TICRR: variants seen among roughly 807,000 people sequenced by gnomAD.
TICRR encodes TOPBP1 interacting checkpoint and replication regulator.
TICRR carries 132 observed loss-of-function variants against 178.1 expected under a neutral mutation model. The observed-to-expected ratio is 0.74, with a 90% CI of 0.64 to 0.86. The LOEUF (loss-of-function observed/expected upper bound fraction) is 0.86, where lower values mean the gene tolerates loss of function less well. Among genes scored for constraint, TICRR ranks in the 40% least tolerant of loss-of-function variants. The pLI is 0.00. For missense variants in TICRR, 2,587 were observed against 2,334.3 expected (o/e 1.11, Z -2.23); for synonymous variants, 991 against 900.7 (o/e 1.10, Z -1.79).
intron 4 of TICRR, 147 bp downstream of exon 4, chr15:89,586,089 C>A: frequency 3.3e-6 from 2 of 604,828 alleles, no homozygotes; most frequent in South Asian, 2.3e-5. Context: ...CAGTTTAAAT[C>A]ATTATTATTT....
chr15:89,625,634 G>A lies in TICRR; in HGVS notation c.5324G>A (p.Arg1775Lys). The change falls in exon 20 of 22, where the codon AGA (arginine) becomes AAA (lysine). Residue 1775 changes from arginine (R) to lysine (K), a missense_variant. Transcript: ENST00000268138. ...WGQFGLSSRKRVLLAKEEADR... is the reference protein window; with the variant it reads ...WGQFGLSSRKKVLLAKEEADR... ...CAGTTTGGGTTGAGTTCCAGGAAGA[G>A]AGTCCTGTTGGCCAAGGAAGAAGCT... 6.2e-7 allele frequency: 1 copy of A among 1,613,506 alleles called. No homozygotes were observed.
chr15:89,623,716 G>A lies in TICRR; in HGVS notation c.3406G>A (p.Glu1136Lys), dbSNP rs919160244. 4 of 1,614,076 alleles carry A rather than the reference G, an allele frequency of 2.5e-6. No individual in the cohort carries two copies. Among genetic ancestry groups the A allele is most frequent in the Non-Finnish European group, 2.5e-6 (3 of 1,180,020 alleles). ...ACCACAAACTCCGTTGTATACTCCA[G>A]AAAGGCTGCAGAAGTCCCCTGCAAA... ...HTPQTPLYTP[E>K]RLQKSPAKMT... is the part of the protein sequence containing the mutation. Residue 1136 changes from glutamate to lysine, a missense_variant, in exon 20 of 22, where the codon GAA (glutamate) becomes AAA (lysine). By Grantham distance (56) the Glu-to-Lys change is moderately conservative. Coordinates refer to ENST00000268138, the MANE Select transcript of TICRR (RefSeq NM_152259.4).
intron 15 of TICRR, among the ~76,000 whole-genome samples, chr15:89,616,167 G>A (rs1478856669): frequency 6.6e-6 from 1 of 152,176 alleles, no homozygotes; most frequent in Non-Finnish European, 1.5e-5. Context: ...TTACAGGCAT[G>A]AGCCATTGTG....
intron 2 of TICRR, 125 bp downstream of exon 2, chr15:89,583,090 A>G (rs1962759443): frequency 9.2e-7 from 1 of 1,092,112 alleles, no homozygotes; most frequent in East Asian, 2.6e-5. Flanking sequence ...CTTGTCATGA[A>G]AGAATTAAAA....
chr15:89,624,692 CA>C lies in TICRR; in HGVS notation c.4383del (p.Glu1462SerfsTer17). The C allele has an allele frequency of 6.2e-7, 1 of 1,614,140 alleles. No individual in the cohort carries two copies. Among genetic ancestry groups the C allele is most frequent in the South Asian group, 1.1e-5 (1 of 91,082 alleles). ...ASSPLLITSDTEHVTLLSEAE... is the reference protein window; with the variant it reads ...ASSPLLITSDXEHVTLLSEAE... Reference sequence around the variant, plus strand: ...TCTCCTCTGCTCATTACAAGTGACACAGAGCATGTCACTCTCCTCAGTGAAG... The same window carrying C: ...TCTCCTCTGCTCATTACAAGTGACACGAGCATGTCACTCTCCTCAGTGAAG... On this transcript the variant is annotated frameshift_variant, in exon 20 of 22. Coordinates refer to ENST00000268138, the MANE Select transcript of TICRR (RefSeq NM_152259.4). LOFTEE classifies it high-confidence loss of function.
intron 7 of TICRR, among the ~76,000 whole-genome samples, chr15:89,598,974 G>T (rs934527998): frequency 6.6e-6 from 1 of 152,136 alleles, no homozygotes; most frequent in Non-Finnish European, 1.5e-5. Context: ...TTGTGCCACT[G>T]CACTCCAGCC....
In TICRR at chr15:89,608,858, G is replaced by A; in HGVS notation, c.2778G>A (p.Lys926=). Residue 926 remains lysine, a synonymous_variant, in exon 15 of 22, where the codon AAG becomes AAA. Transcript: ENST00000268138. The part of the protein sequence containing the change: ...LFNQELLSPS[K]RSLKRGLPRS... Reference sequence around the variant, plus strand: ...ACCAGGAATTGCTTTCCCCTTCAAAGAGATCACTAAAGCGGGGGTTGCCTA... The same window carrying A: ...ACCAGGAATTGCTTTCCCCTTCAAAAAGATCACTAAAGCGGGGGTTGCCTA... 1 of 1,610,096 alleles carries A rather than the reference G, an allele frequency of 6.2e-7. No individual in the cohort carries two copies. The highest frequency in any genetic ancestry group is 8.5e-7 in the Non-Finnish European group (1 of 1,178,524).
At chr15:89,616,536 C>G (rs1649327202) in intron 16 of TICRR, 41 bp downstream of exon 16, 1 of 1,551,436 alleles carries the variant, frequency 6.4e-7, no homozygotes, top group Admixed American at 1.7e-5. Flanking sequence ...TACACCCACA[C>G]CACCTCAAAG....
At position 89,618,192 on chromosome 15, in the gene TICRR, TC is replaced by T. The variant is rs1963366196; in HGVS notation, c.3005del (p.Pro1002LeufsTer7). 5 of 1,613,964 alleles carry T rather than the reference TC, an allele frequency of 3.1e-6. No individual in the cohort carries two copies. Among genetic ancestry groups the T allele is most frequent in the African/African-American group, 1.3e-5 (1 of 74,874 alleles). On this transcript the variant is annotated frameshift_variant, in exon 17 of 22. Coordinates refer to ENST00000268138, the MANE Select transcript of TICRR (RefSeq NM_152259.4). LOFTEE classifies it high-confidence loss of function. The part of the protein sequence containing the change: ...PGPDIGVVEE[S>X]PEKGDEISLR... Reference sequence around the variant, plus strand: ...TCCTGATATTGGTGTTGTTGAAGAGTCCCCTGAAAAAGGAGATGGTGAGTGT... The same window carrying T: ...TCCTGATATTGGTGTTGTTGAAGAGTCCCTGAAAAAGGAGATGGTGAGTGT...
chr15:89,585,877 T>C lies in TICRR; in HGVS notation c.1346T>C (p.Phe449Ser). Reference sequence around the variant, plus strand: ...AGCCCCCGGGACACAGCTTCCCTTTTCTCAGATGTTGTGGATAGTATATTG... The same window carrying C: ...AGCCCCCGGGACACAGCTTCCCTTTCCTCAGATGTTGTGGATAGTATATTG... ...ADSPRDTASL[F>S]SDVVDSILNQ... The change falls in exon 4 of 22, where the codon TTC becomes TCC. Residue 449 changes from phenylalanine to serine, a missense_variant. Coordinates refer to ENST00000268138, the MANE Select transcript of TICRR (RefSeq NM_152259.4). 1.9e-6 allele frequency: 3 copies of C among 1,614,156 alleles called. No homozygotes were observed. Among genetic ancestry groups the C allele is most frequent in the South Asian group, 1.1e-5 (1 of 91,080 alleles).
chr15:89,583,391 A>G (rs1294809666), intron 2 of TICRR, among the ~76,000 whole-genome samples: 1 of 152,220 alleles, frequency 6.6e-6, no homozygotes, highest in Non-Finnish European at 1.5e-5. Flanking sequence ...AAAAGCAAAC[A>G]TGTTGGAATC....
intron 1 of TICRR, among the ~76,000 whole-genome samples, chr15:89,579,319 C>T (rs1044562583): frequency 3.9e-5 from 6 of 152,026 alleles, no homozygotes; most frequent in Non-Finnish European, 7.4e-5. Flanking sequence ...AAAATGTGAC[C>T]ATACTCTATA....
chr15:89,620,231 C>T (rs1963402439), intron 18 of TICRR, among the ~76,000 whole-genome samples: 1 of 152,120 alleles, frequency 6.6e-6, no homozygotes, highest in Non-Finnish European at 1.5e-5. Context: ...TTTTTTGAGA[C>T]AAGGTCTCAC....
At chr15:89,585,311 AGT>A (rs1962801383) in intron 3 of TICRR, among the ~76,000 whole-genome samples, 1 of 152,190 alleles carries the variant, frequency 6.6e-6, no homozygotes, top group African/African-American at 2.4e-5. Context: ...CTCATGGTTA[AGT>A]ACATGGGTTT....
At position 89,624,700 on chromosome 15, in the gene TICRR, G is replaced by A. The variant is rs1963484230; in HGVS notation, c.4390G>A (p.Val1464Ile). 2 of 1,614,152 alleles carry A rather than the reference G, an allele frequency of 1.2e-6. No homozygotes were observed. The highest frequency in any genetic ancestry group is 8.5e-7 in the Non-Finnish European group (1 of 1,180,038). Residue 1464 changes from valine (V) to isoleucine (I), a missense_variant, in exon 20 of 22, where the codon GTC (valine) becomes ATC (isoleucine). Coordinates refer to ENST00000268138, the MANE Select transcript of TICRR (RefSeq NM_152259.4). ...GCTCATTACAAGTGACACAGAGCAT[G>A]TCACTCTCCTCAGTGAAGCCGAACA... Reference protein sequence around the residue: ...PLLITSDTEHVTLLSEAEHHG... With the variant: ...PLLITSDTEHITLLSEAEHHG...
chr15:89,601,625 G>C, intron 11 of TICRR, 57 bp downstream of exon 11: 1 of 1,607,838 alleles, frequency 6.2e-7, no homozygotes, highest in Non-Finnish European at 8.5e-7. Flanking sequence ...ACCTATGTAT[G>C]GTGTTGTCTC....
chr15:89,602,880 A>T lies in TICRR; in HGVS notation c.2652A>T (p.Arg884Ser). ...TTGAAATTCCTAAAGTGTCAAAGAG[A>T]GCTACGAAAAAAGTAAGTAAACCTT... is the stretch of plus-strand genomic sequence containing the variant. ...RQIEIPKVSK[R>S]ATKKENSHPA... Residue 884 changes from arginine to serine, a missense_variant, in exon 13 of 22, where the codon AGA (arginine) becomes AGT (serine). Coordinates refer to ENST00000268138, the MANE Select transcript of TICRR (RefSeq NM_152259.4). The T allele has an allele frequency of 6.6e-7, 1 of 1,520,168 alleles. No individual in the cohort carries two copies. Among genetic ancestry groups the T allele is most frequent in the Non-Finnish European group, 8.8e-7 (1 of 1,134,066 alleles). 94.2% of individuals were successfully genotyped at this position (1,520,168 alleles called of 1,614,324 possible). A position where few individuals can be genotyped will look rare whatever the true frequency, so the allele number is the denominator to read the frequency against.
In TICRR at chr15:89,600,660, C is replaced by T; in HGVS notation, c.2128C>T (p.Leu710=). The change falls in exon 9 of 22, where the codon CTG becomes TTG. Residue 710 remains leucine, a synonymous_variant. Transcript: ENST00000268138. The stretch of plus-strand genomic sequence containing the variant: ...TCTTCGACAGAATCTAGGAAAAAAA[C>T]TGGATAAGGAAGACAAAGTTAGAGA... The part of the protein sequence containing the change: ...KSLRQNLGKK[L]DKEDKVRECQ... The T allele has an allele frequency of 1.3e-6, 2 of 1,583,756 alleles. No homozygotes were observed. Among genetic ancestry groups the T allele is most frequent in the Non-Finnish European group, 1.7e-6 (2 of 1,159,658 alleles).
intron 4 of TICRR, among the ~76,000 whole-genome samples, chr15:89,586,852 C>G (rs1301705826): frequency 6.6e-6 from 1 of 152,084 alleles, no homozygotes; most frequent in Non-Finnish European, 1.5e-5. Context: ...CCAAACTGGG[C>G]AGGGCTTTAC....
Sources: gnomAD v4.1 joint callset for allele counts (sites outside exome capture counted in the v4.1 genomes callset) on GRCh38, gnomAD v4.1.1 for gene constraint, MANE v1.5 for transcripts, NCBI Gene and HGNC (gene_info 2026-07-23, HGNC 2026-07-21) for gene names.